The following TNFSF11 variants were observed in gnomAD, a reference collection of about 807,000 sequenced individuals.
TNFSF11 encodes TNF superfamily member 11.
In TNFSF11, 12 loss-of-function variants were observed where a neutral mutation model predicts 32.2. The ratio of observed to expected loss-of-function variants is 0.37; its 90% confidence interval spans 0.24 to 0.60. The LOEUF is 0.60. Ranked by LOEUF, TNFSF11 falls within the 20% of genes least tolerant of loss-of-function variation. The probability of loss-of-function intolerance (pLI) is 0.66; values close to 1 mark genes in which losing one functional copy is unlikely to be tolerated. For missense variants in TNFSF11, 345 were observed against 398.0 expected (o/e 0.87, Z 1.13); for synonymous variants, 172 against 152.1 (o/e 1.13, Z -0.96).
At chr13:42,566,287 T>C (rs1305037430) in intron 1 of TNFSF11, among the ~76,000 whole-genome samples, 1 of 152,160 alleles carries the variant, frequency 6.6e-6, no homozygotes, top group African/African-American at 2.4e-5. Flanking sequence ...GCATCTTCCC[T>C]ACCCCTCACT....
chr13:42,606,771 A>G lies in TNFSF11; in HGVS notation c.807A>G (p.Glu269=), dbSNP rs1869478482. 6.2e-7 allele frequency: 1 copy of G among 1,613,924 alleles called. No individual in the cohort carries two copies. Reference sequence around the variant, plus strand: ...CCAAGTATTGGTCAGGGAATTCTGAATTCCATTTTTATTCCATAAACGTTG... The same window carrying G: ...CCAAGTATTGGTCAGGGAATTCTGAGTTCCATTTTTATTCCATAAACGTTG... ...GSTKYWSGNS[E]FHFYSINVGG... is the part of the protein sequence containing the mutation. Residue 269 remains glutamate, a synonymous_variant, in exon 5 of 5, where the codon GAA becomes GAG. Transcript: ENST00000398795.
In TNFSF11 at chr13:42,579,704, C is replaced by CTTTTTTTTTTTTT. The variant is rs59375842; in HGVS notation, c.220-1410_220-1398dup. ...GGATACACACCGGCATAAGTAAGCC[C>CTTTTTTTTTTTTT]TTTTTTTTTTTTTTTTTTTTTTTTG... On this transcript the variant is annotated intron_variant, in intron 1 of 4. Coordinates refer to ENST00000398795, the MANE Select transcript of TNFSF11 (RefSeq NM_003701.4). Among the ~76,000 whole-genome samples the CTTTTTTTTTTTTT allele has an allele frequency of 9.2e-4, 60 of 65,502 alleles. 4 individuals carry two copies. Among genetic ancestry groups the CTTTTTTTTTTTTT allele is most frequent in the African/African-American group, 2.2e-3 (37 of 16,502 alleles). The allele number at this position is 65,502 out of a possible 152,430, so 43.0% of individuals were successfully genotyped here.
At position 42,607,043 on chromosome 13, in the gene TNFSF11, A is replaced by G. The variant is rs1869501408; in HGVS notation, c.*125A>G. 8.3e-7 allele frequency: 1 copy of G among 1,208,872 alleles called. No homozygotes were observed. The highest frequency in any genetic ancestry group is 1.2e-6 in the Non-Finnish European group (1 of 842,862). 74.9% of individuals were successfully genotyped at this position (1,208,872 alleles called of 1,614,324 possible). On this transcript the variant is annotated 3_prime_UTR_variant, in exon 5 of 5. Coordinates refer to ENST00000398795, the MANE Select transcript of TNFSF11 (RefSeq NM_003701.4). ...GCATGGCCCCAACGGTACACGACTC[A>G]GTATCCATGCTCTTGACCTTGTAGA... is the stretch of plus-strand genomic sequence containing the variant.
intron 1 of TNFSF11, chr13:42,566,594 T>G (rs1872876838): frequency 6.6e-6 from 1 of 152,314 alleles, no homozygotes; most frequent in African/African-American, 2.4e-5. Context: ...GAAATAAAAT[T>G]TAATTTTGGA....
chr13:42,599,653 C>A (rs1023106302), intron 2 of TNFSF11, among the ~76,000 whole-genome samples: 2 of 152,040 alleles, frequency 1.3e-5, no homozygotes, highest in Non-Finnish European at 2.9e-5. Context: ...CAACCTCCCC[C>A]GCAACCTCCC....
chr13:42,606,500 C>T lies in TNFSF11; in HGVS notation c.536C>T (p.Ser179Phe). The part of the protein sequence containing the change: ...TINATDIPSG[S>F]HKVSLSSWYH... The stretch of plus-strand genomic sequence containing the variant: ...CTTATGCCTCTCTTCTCCACAGGTT[C>T]CCATAAAGTGAGTCTGTCCTCTTGG... The change falls in exon 5 of 5, where the codon TCC becomes TTC. Residue 179 changes from serine to phenylalanine, a missense_variant. Ser to Phe is a radical substitution (Grantham distance 155, BLOSUM62 -2). Around this residue, in one of 2 missense-constraint regions of TNFSF11, gnomAD observed 148 missense variants for 216.0 expected, o/e 0.69. Coordinates refer to ENST00000398795, the MANE Select transcript of TNFSF11 (RefSeq NM_003701.4). 1 of 1,614,224 alleles carries T rather than the reference C, an allele frequency of 6.2e-7. No individual in the cohort carries two copies. The highest frequency in any genetic ancestry group is 8.5e-7 in the Non-Finnish European group (1 of 1,180,036).
chr13:42,596,858 A>G (rs538414923), intron 2 of TNFSF11, among the ~76,000 whole-genome samples: 1 of 152,354 alleles, frequency 6.6e-6, no homozygotes, highest in Admixed American at 6.5e-5. Flanking sequence ...ATCTGGGAGC[A>G]TCTTTAAAAA....
At chr13:42,568,667 A>T (rs1872951767) in intron 2 of TNFSF11, among the ~76,000 whole-genome samples, 1 of 152,200 alleles carries the variant, frequency 6.6e-6, no homozygotes, top group Non-Finnish European at 1.5e-5. Context: ...ACCGGAGATC[A>T]GAAGACGCGG....
intron 2 of TNFSF11, among the ~76,000 whole-genome samples, chr13:42,590,906 A>G (rs1015993495): frequency 1.1e-4 from 16 of 152,228 alleles, no homozygotes; most frequent in Non-Finnish European, 1.8e-4. Context: ...TGCTTTATGA[A>G]AACAAGGACA....
chr13:42,593,191 CT>C (rs1868599381), intron 2 of TNFSF11, among the ~76,000 whole-genome samples: 1 of 152,198 alleles, frequency 6.6e-6, no homozygotes, highest in Non-Finnish European at 1.5e-5. Flanking sequence ...TCTGTGACAC[CT>C]GTCATGCGGG....
intron 1 of TNFSF11, among the ~76,000 whole-genome samples, chr13:42,577,840 T>TA (rs1024594227): frequency 5.9e-5 from 9 of 152,066 alleles, no homozygotes; most frequent in African/African-American, 1.2e-4. Flanking sequence ...TCAAGGAAGT[T>TA]AAAAAAAATG....
chr13:42,599,513 T>A (rs563814575), intron 2 of TNFSF11, among the ~76,000 whole-genome samples: 16 of 152,236 alleles, frequency 1.1e-4, no homozygotes, highest in African/African-American at 3.6e-4. Flanking sequence ...TAGGAATCTC[T>A]CCAGAGTGGT....
chr13:42,594,072 A>G (rs1868648488), intron 2 of TNFSF11, among the ~76,000 whole-genome samples: 1 of 151,936 alleles, frequency 6.6e-6, no homozygotes, highest in East Asian at 1.9e-4. Flanking sequence ...TCTATTTATT[A>G]TTATTATTAT....
intron 1 of TNFSF11, among the ~76,000 whole-genome samples, chr13:42,577,047 C>A (rs1873354379): frequency 6.6e-6 from 1 of 152,160 alleles, no homozygotes; most frequent in South Asian, 2.1e-4. Flanking sequence ...CCAAATAAAT[C>A]AGTAGTTTTT....
chr13:42,563,944 C>T (rs1040431011), intron 1 of TNFSF11, among the ~76,000 whole-genome samples: 1 of 152,140 alleles, frequency 6.6e-6, no homozygotes, highest in Admixed American at 6.5e-5. Flanking sequence ...CCCTGTCCTT[C>T]TGGAACTCCA....
intron 2 of TNFSF11, among the ~76,000 whole-genome samples, chr13:42,591,305 G>A (rs1007006725): frequency 2.0e-5 from 3 of 151,960 alleles, no homozygotes; most frequent in African/African-American, 7.3e-5. Context: ...TTTTACCTTC[G>A]GGATGAGTGG....
chr13:42,595,315 C>T (rs965239221), intron 2 of TNFSF11, among the ~76,000 whole-genome samples: 2 of 152,162 alleles, frequency 1.3e-5, no homozygotes, highest in East Asian at 3.8e-4. Context: ...TCTAAAATTG[C>T]ACTTATCTAA....
At chr13:42,568,619 G>A (rs1484169669) in intron 2 of TNFSF11, among the ~76,000 whole-genome samples, 2 of 152,176 alleles carry the variant, frequency 1.3e-5, no homozygotes, top group Admixed American at 6.5e-5. Flanking sequence ...TAGGTGAGAA[G>A]TTTCATTAGG....
rs1371159627 is a variant in TNFSF11 at position 42,591,166 on chromosome 13, C to CAGT, written c.388-9586_388-9585insAGT. ...GCTGAGTGCAGTGGTAGTGGTGGTG[C>CAGT]GGAGTGTGTAGAATTCATGTTGACA... On this transcript the variant is annotated intron_variant, in intron 2 of 4. Transcript: ENST00000398795. 2.1e-4 allele frequency among the ~76,000 whole-genome samples: 32 copies of CAGT among 152,030 alleles called. 1 individual carries two copies. Among genetic ancestry groups the CAGT allele is most frequent in the Admixed American group, 2.1e-3 (32 of 15,276 alleles).
Sources: gnomAD v4.1 joint callset for allele counts (sites outside exome capture counted in the v4.1 genomes callset) on GRCh38, gnomAD v4.1.1 for gene constraint, gnomAD v4.1.1 regional missense constraint, MANE v1.5 for transcripts, NCBI Gene and HGNC (gene_info 2026-07-23, HGNC 2026-07-21) for gene names.